CNTN6: variants seen among roughly 807,000 people sequenced by gnomAD.
The protein encoded by CNTN6 is contactin 6.
Under a neutral mutation model 122.8 loss-of-function variants are expected in CNTN6, and 137 were observed. The observed-to-expected ratio is 1.12, with a 90% CI of 0.97 to 1.29. CNTN6 has a LOEUF of 1.29. Ranked by LOEUF, CNTN6 falls within the 50% of genes most tolerant of loss-of-function variation. The pLI is 0.00. For synonymous variants in CNTN6, 570 were observed against 426.0 expected (o/e 1.34, Z -4.16); for missense variants, 1,634 against 1,223.4 (o/e 1.34, Z -5.01).
chr3:1,241,442 G>C (rs973222471), intron 4 of CNTN6, among the ~76,000 whole-genome samples: 1 of 152,000 alleles, frequency 6.6e-6, no homozygotes, highest in Non-Finnish European at 1.5e-5. Context: ...ATATTGTGCG[G>C]ATGTTAGAAG....
chr3:1,332,333 T>C (rs775571539), intron 11 of CNTN6, among the ~76,000 whole-genome samples: 17 of 152,102 alleles, frequency 1.1e-4, no homozygotes, highest in Non-Finnish European at 2.5e-4. Context: ...CGACTGGCTT[T>C]ATTAAGTGCA....
chr3:1,397,884 G>C (rs550705650), intron 20 of CNTN6, among the ~76,000 whole-genome samples: 29 of 152,214 alleles, frequency 1.9e-4, no homozygotes, highest in African/African-American at 7.0e-4. Flanking sequence ...ACTTAGAGGT[G>C]TAACATAAGA....
chr3:1,378,460 A>T (rs1386065004), intron 17 of CNTN6, among the ~76,000 whole-genome samples: 5 of 152,110 alleles, frequency 3.3e-5, no homozygotes, highest in African/African-American at 9.7e-5. Flanking sequence ...AATTGCCCTG[A>T]AAGTCACCCT....
intron 4 of CNTN6, among the ~76,000 whole-genome samples, chr3:1,246,470 C>G (rs1281158180): frequency 6.6e-6 from 1 of 152,016 alleles, no homozygotes; most frequent in Non-Finnish European, 1.5e-5. Flanking sequence ...TGTATTATTT[C>G]TAAGTGCATT....
chr3:1,390,035 G>A (rs928031129), intron 20 of CNTN6, among the ~76,000 whole-genome samples: 1 of 151,858 alleles, frequency 6.6e-6, no homozygotes, highest in African/African-American at 2.4e-5. Context: ...CCCAGGAATT[G>A]AACTCAGCTC....
chr3:1,236,586 C>T (rs1032715559), intron 4 of CNTN6, among the ~76,000 whole-genome samples: 1 of 152,032 alleles, frequency 6.6e-6, no homozygotes, highest in Non-Finnish European at 1.5e-5. Context: ...GAAGAGCAGC[C>T]CTTGAATCCC....
In CNTN6 at chr3:1,253,648, C is replaced by A. The variant is rs558602881; in HGVS notation, c.359-24765C>A. On this transcript the variant is annotated intron_variant, in intron 4 of 22. Coordinates refer to ENST00000446702, the MANE Select transcript of CNTN6 (RefSeq NM_001289080.2). ...CAGTGGTTTCAGCAGGTATTAGATT[C>A]TCATAAGGAGTGCACAACCTAGATC... is the stretch of plus-strand genomic sequence containing the variant. Among the ~76,000 whole-genome samples, 3 of 152,278 alleles carry A rather than the reference C, an allele frequency of 2.0e-5. No homozygotes were observed. The South Asian group carries it at 6.2e-4, about 32-fold the overall frequency.
At chr3:1,270,178 C>T (rs2094999949) in intron 4 of CNTN6, among the ~76,000 whole-genome samples, 1 of 152,086 alleles carries the variant, frequency 6.6e-6, no homozygotes. Flanking sequence ...GAAAATGAAA[C>T]TGGTTTCAGT....
intron 11 of CNTN6, among the ~76,000 whole-genome samples, chr3:1,335,166 GAGA>G (rs1702863716): frequency 6.6e-6 from 1 of 152,148 alleles, no homozygotes; most frequent in Non-Finnish European, 1.5e-5. Context: ...GTTCATTTCA[GAGA>G]AAATGGTACT....
chr3:1,238,558 A>G (rs911503538), intron 4 of CNTN6, among the ~76,000 whole-genome samples: 3 of 151,912 alleles, frequency 2.0e-5, no homozygotes, highest in Non-Finnish European at 2.9e-5. Context: ...ACAAAGAAAC[A>G]ATGGACTTAA....
At chr3:1,311,825 A>T (rs1699372261) in intron 7 of CNTN6, among the ~76,000 whole-genome samples, 1 of 151,970 alleles carries the variant, frequency 6.6e-6, no homozygotes, top group African/African-American at 2.4e-5. Context: ...ATGAACATAT[A>T]TGCAAGTCAT....
chr3:1,237,970 A>G (rs1197649239), intron 4 of CNTN6, among the ~76,000 whole-genome samples: 2 of 152,034 alleles, frequency 1.3e-5, no homozygotes, highest in African/African-American at 4.8e-5. Flanking sequence ...CACAGAACCT[A>G]TATAACAATA....
intron 7 of CNTN6, among the ~76,000 whole-genome samples, chr3:1,305,474 C>T (rs1221152766): frequency 6.6e-6 from 1 of 152,134 alleles, no homozygotes; most frequent in African/African-American, 2.4e-5. Context: ...ATTATGAAAG[C>T]TGCAAATTAA....
At chr3:1,265,104 A>T (rs2094907704) in intron 4 of CNTN6, among the ~76,000 whole-genome samples, 1 of 122,356 alleles carries the variant, frequency 8.2e-6, no homozygotes, top group Non-Finnish European at 1.7e-5. Context: ...TATATGCCAC[A>T]TTTTTGTTAT....
chr3:1,222,845 C>G (rs984694021), intron 3 of CNTN6, among the ~76,000 whole-genome samples: 1 of 152,112 alleles, frequency 6.6e-6, no homozygotes, highest in Admixed American at 6.5e-5. Context: ...TCCTGATCCT[C>G]TCTCTCCTCC....
chr3:1,326,928 C>A (rs1288415155), intron 9 of CNTN6, among the ~76,000 whole-genome samples: 1 of 151,804 alleles, frequency 6.6e-6, no homozygotes, highest in Non-Finnish European at 1.5e-5. Flanking sequence ...TTTCTATACC[C>A]CACATGGGGT....
intron 17 of CNTN6, among the ~76,000 whole-genome samples, chr3:1,379,203 C>T (rs1347546363): frequency 6.6e-6 from 1 of 152,096 alleles, no homozygotes; most frequent in African/African-American, 2.4e-5. Context: ...ACTGTCTTTC[C>T]ACGATTTATA....
intron 4 of CNTN6, among the ~76,000 whole-genome samples, chr3:1,246,237 C>G (rs1429960939): frequency 1.3e-5 from 2 of 152,196 alleles, no homozygotes; most frequent in African/African-American, 2.4e-5. Flanking sequence ...TGAGCCATAT[C>G]TTGACTTGTG....
intron 5 of CNTN6, among the ~76,000 whole-genome samples, chr3:1,287,764 C>A (rs983815180): frequency 6.6e-6 from 1 of 152,134 alleles, no homozygotes; most frequent in Admixed American, 6.5e-5. Context: ...CTCCCACCAG[C>A]GCCATGACAG....
Sources: gnomAD v4.1 joint callset for allele counts (sites outside exome capture counted in the v4.1 genomes callset) on GRCh38, gnomAD v4.1.1 for gene constraint, MANE v1.5 for transcripts, NCBI Gene and HGNC (gene_info 2026-07-23, HGNC 2026-07-21) for gene names.